Variants in HIBADH observed in about 807,000 individuals in gnomAD.
The protein encoded by HIBADH is 3-hydroxyisobutyrate dehydrogenase, also known as 3-hydroxyisobutyrate dehydrogenase, mitochondrial.
HIBADH carries 25 observed loss-of-function variants against 36.1 expected under a neutral mutation model. The ratio of observed to expected loss-of-function variants is 0.69; its 90% CI spans 0.50 to 0.97. The LOEUF is 0.97. Ranked by LOEUF, HIBADH falls within the 50% of genes least tolerant of loss-of-function variation. The pLI is 0.00. For synonymous variants in HIBADH, 160 were observed against 149.5 expected, an observed-to-expected ratio of 1.07 and a Z score of -0.51; for missense variants, 421 against 418.0, an observed-to-expected ratio of 1.01 and a Z score of -0.06.
chr7:27,587,512 A>G (rs1784882582), intron 4 of HIBADH, among the ~76,000 whole-genome samples: 1 of 151,618 alleles, frequency 6.6e-6, no homozygotes. Flanking sequence ...AAATAAAAAG[A>G]AAAGAAGTGA....
At chr7:27,596,847 T>C (rs1211368992) in intron 4 of HIBADH, among the ~76,000 whole-genome samples, 1 of 152,160 alleles carries the variant, frequency 6.6e-6, no homozygotes, top group Non-Finnish European at 1.5e-5. Flanking sequence ...ATGTCAGTAC[T>C]CAAAAAGTTT....
At chr7:27,656,238 T>C (rs1004826756) in intron 1 of HIBADH, among the ~76,000 whole-genome samples, 8 of 152,206 alleles carry the variant, frequency 5.3e-5, no homozygotes, top group African/African-American at 1.4e-4. Context: ...TGCCCAACTA[T>C]GGGCCATAGC....
intron 4 of HIBADH, among the ~76,000 whole-genome samples, chr7:27,576,109 G>C (rs1411244689): frequency 6.6e-6 from 1 of 152,222 alleles, no homozygotes; most frequent in Non-Finnish European, 1.5e-5. Flanking sequence ...TAAGACAGCA[G>C]AGAAAGGGAT....
At chr7:27,589,002 A>C (rs1393725593) in intron 4 of HIBADH, among the ~76,000 whole-genome samples, 1 of 152,174 alleles carries the variant, frequency 6.6e-6, no homozygotes, top group Non-Finnish European at 1.5e-5. Flanking sequence ...AAACTATTTC[A>C]CTCAAGTATG....
intron 4 of HIBADH, among the ~76,000 whole-genome samples, chr7:27,612,005 T>C (rs957981866): frequency 1.3e-5 from 2 of 152,172 alleles, no homozygotes; most frequent in African/African-American, 4.8e-5. Flanking sequence ...CTTTTTTTTT[T>C]CCTTCATAGC....
intron 4 of HIBADH, among the ~76,000 whole-genome samples, chr7:27,612,547 C>G (rs1196335900): frequency 2.6e-5 from 4 of 151,944 alleles, no homozygotes; most frequent in Admixed American, 2.6e-4. Context: ...TGGTCTCGGA[C>G]TCCTGACCTT....
intron 7 of HIBADH, among the ~76,000 whole-genome samples, chr7:27,527,460 T>G (rs1035082087): frequency 9.2e-5 from 14 of 152,278 alleles, no homozygotes; most frequent in African/African-American, 3.1e-4. Context: ...TCAAGGCATA[T>G]TCAAGAAGCA....
chr7:27,613,656 G>GTT (rs769054200), intron 4 of HIBADH, among the ~76,000 whole-genome samples: 1 of 60,188 alleles, frequency 1.7e-5, no homozygotes, highest in Admixed American at 1.6e-4. Context: ...GTTGTTGTGG[G>GTT]TTTTTTTTGT....
intron 5 of HIBADH, among the ~76,000 whole-genome samples, chr7:27,542,079 CA>C (rs1396473117): frequency 3.3e-5 from 5 of 152,122 alleles, no homozygotes; most frequent in Non-Finnish European, 7.4e-5. Context: ...CTCTTTATAA[CA>C]GATTTGTGCA....
intron 1 of HIBADH, among the ~76,000 whole-genome samples, chr7:27,657,345 A>C (rs1418446507): frequency 1.3e-5 from 2 of 152,192 alleles, no homozygotes; most frequent in Non-Finnish European, 2.9e-5. Flanking sequence ...TGAGGAAACA[A>C]GAAAGCATGT....
Position 27,526,174 on chromosome 7 carries a change from G to A in HIBADH, c.*40C>T. ...TGAGCTAAAAGGAGGCTCCAAGACA[G>A]AGTTTGGTTCCCAACAGTGTCCGTG... On this transcript the variant is annotated 3_prime_UTR_variant, in exon 8 of 8. Coordinates refer to ENST00000265395, the MANE Select transcript of HIBADH (RefSeq NM_152740.4). 6.5e-7 allele frequency: 1 copy of A among 1,536,680 alleles called. No homozygotes were observed. The highest frequency in any genetic ancestry group is 2.0e-5 in the Admixed American group (1 of 49,420).
At chr7:27,618,318 C>T (rs980777849) in intron 4 of HIBADH, among the ~76,000 whole-genome samples, 5 of 152,218 alleles carry the variant, frequency 3.3e-5, no homozygotes, top group Non-Finnish European at 7.3e-5. Flanking sequence ...GCCCATACAC[C>T]ACTCTGTATA....
chr7:27,560,469 A>G (rs576879694), intron 4 of HIBADH, among the ~76,000 whole-genome samples: 2 of 152,260 alleles, frequency 1.3e-5, no homozygotes, highest in African/African-American at 4.8e-5. Flanking sequence ...TTTGGGGTAC[A>G]AATGGTTTTT....
chr7:27,623,868 G>A (rs1384528767), intron 4 of HIBADH, among the ~76,000 whole-genome samples: 1 of 152,204 alleles, frequency 6.6e-6, no homozygotes, highest in African/African-American at 2.4e-5. Flanking sequence ...TGCGATCTCA[G>A]CTCACTGCAA....
At chr7:27,639,989 G>C (rs1040842509) in intron 2 of HIBADH, among the ~76,000 whole-genome samples, 2 of 152,166 alleles carry the variant, frequency 1.3e-5, no homozygotes, top group Non-Finnish European at 2.9e-5. Context: ...GAAGTAGTCT[G>C]AACTATGTGA....
At chr7:27,581,315 C>G (rs747791003) in intron 4 of HIBADH, among the ~76,000 whole-genome samples, 3 of 151,874 alleles carry the variant, frequency 2.0e-5, no homozygotes, top group Non-Finnish European at 4.4e-5. Context: ...GAAGGAAGAA[C>G]GAGGAAGCTG....
chr7:27,632,471 T>C (rs1170479559), intron 2 of HIBADH, 26 bp from the exon 3 acceptor site: 1 of 1,478,592 alleles, frequency 6.8e-7, no homozygotes, highest in East Asian at 2.3e-5. Context: ...CAAAGGCACA[T>C]TATTTAAATT....
intron 2 of HIBADH, among the ~76,000 whole-genome samples, chr7:27,645,457 C>A (rs1459903969): frequency 1.4e-5 from 2 of 141,570 alleles, no homozygotes; most frequent in Middle Eastern, 3.8e-3. Flanking sequence ...CGGCTCACTG[C>A]AACCTCCACC....
intron 4 of HIBADH, among the ~76,000 whole-genome samples, chr7:27,624,268 A>G (rs1404365482): frequency 3.3e-5 from 5 of 152,214 alleles, no homozygotes; most frequent in Non-Finnish European, 5.9e-5. Context: ...AGCAACAAGA[A>G]CAAGGCTAGA....
Sources: allele counts gnomAD v4.1 joint callset (sites outside exome capture counted in the v4.1 genomes callset), GRCh38; gene constraint gnomAD v4.1.1; transcripts MANE v1.5; gene names NCBI Gene and HGNC (gene_info 2026-07-23, HGNC 2026-07-21).